Variants in GJD4 observed in about 807,000 individuals in gnomAD.
GJD4 encodes gap junction delta-4 protein.
Under a neutral mutation model 17.9 loss-of-function variants are expected in GJD4, and 18 were observed. The observed-to-expected ratio is 1.00, with a 90% confidence interval of 0.69 to 1.49. GJD4 has a LOEUF of 1.49. Among genes scored for constraint, GJD4 ranks in the 40% most tolerant of loss-of-function variants. GJD4 has a pLI of 0.00. For synonymous variants in GJD4, 293 were observed against 236.8 expected (o/e 1.24, Z -2.18); for missense variants, 639 against 506.9 (o/e 1.26, Z -2.50).
Position 35,608,257 on chromosome 10 carries a change from A to T in GJD4, c.744A>T (p.Gly248=). 1 of 1,572,862 alleles carries T rather than the reference A, an allele frequency of 6.4e-7. No individual in the cohort carries two copies. The highest frequency in any genetic ancestry group is 8.6e-7 in the Non-Finnish European group (1 of 1,165,106). Residue 248 remains glycine, a synonymous_variant, in exon 2 of 2, where the codon GGA becomes GGT. Coordinates refer to ENST00000321660, the MANE Select transcript of GJD4 (RefSeq NM_153368.3). The part of the protein sequence containing the change: ...KQSGASGHAE[G]RRTDEEGGRE... Reference sequence around the variant, plus strand: ...GCGGAGCCTCAGGCCACGCGGAGGGACGCCGGACTGACGAGGAGGGTGGGC... The same window carrying T: ...GCGGAGCCTCAGGCCACGCGGAGGGTCGCCGGACTGACGAGGAGGGTGGGC...
chr10:35,608,935 CAAAA>C (rs3067572), downstream of GJD4: 21 of 56,210 alleles, frequency 3.7e-4, no homozygotes, highest in East Asian at 1.5e-3. Flanking sequence ...GAGACCCTGT[CAAAA>C]AAAAAAAAAA....
Position 35,607,863 on chromosome 10 carries a change from C to T in GJD4, c.350C>T (p.Pro117Leu). Residue 117 changes from proline to leucine, a missense_variant, in exon 2 of 2, where the codon CCG (proline) becomes CTG (leucine). Coordinates refer to ENST00000321660, the MANE Select transcript of GJD4 (RefSeq NM_153368.3). ...GPRRCPDPRE[P>L]ASGQRRCPRP... Reference sequence around the variant, plus strand: ...CGCCGCTGCCCCGACCCCCGGGAGCCGGCCTCCGGGCAGAGACGCTGCCCG... The same window carrying T: ...CGCCGCTGCCCCGACCCCCGGGAGCTGGCCTCCGGGCAGAGACGCTGCCCG... 1 of 1,598,196 alleles carries T rather than the reference C, an allele frequency of 6.3e-7. No individual in the cohort carries two copies. Among genetic ancestry groups the T allele is most frequent in the Non-Finnish European group, 8.5e-7 (1 of 1,177,342 alleles).
chr10:35,607,802 C>T lies in GJD4; in HGVS notation c.289C>T (p.Leu97=). Reference sequence around the variant, plus strand: ...CTCCGCCGTCTTCAGCGTCTATGTCCTGCACCGAGGAGCCACGCTCGCCGC... The same window carrying T: ...CTCCGCCGTCTTCAGCGTCTATGTCTTGCACCGAGGAGCCACGCTCGCCGC... ...LPSAVFSVYV[L]HRGATLAALG... is the part of the protein sequence containing the mutation. The change falls in exon 2 of 2, where the codon CTG becomes TTG. Residue 97 remains leucine, a synonymous_variant. Coordinates refer to ENST00000321660, the MANE Select transcript of GJD4 (RefSeq NM_153368.3). 1 of 1,603,914 alleles carries T rather than the reference C, an allele frequency of 6.2e-7. No homozygotes were observed. Among genetic ancestry groups the T allele is most frequent in the Non-Finnish European group, 8.5e-7 (1 of 1,179,950 alleles).
At position 35,607,725 on chromosome 10, in the gene GJD4, C is replaced by T; in HGVS notation, c.212C>T (p.Pro71Leu). 6.2e-7 allele frequency: 1 copy of T among 1,613,858 alleles called. No homozygotes were observed. Residue 71 changes from proline to leucine, a missense_variant, in exon 2 of 2, where the codon CCC becomes CTC. Transcript: ENST00000321660. ...AATGTTTGCTACGACGTCTTCTCCCCCGTGTCTCACCTGCGGTTCTGGCTG... is the reference window on the plus strand; with the variant it reads ...AATGTTTGCTACGACGTCTTCTCCCTCGTGTCTCACCTGCGGTTCTGGCTG... ...CANVCYDVFS[P>L]VSHLRFWLIQ...
intron 1 of GJD4, chr10:35,607,116 ACTTT>A (rs1183595107): frequency 6.5e-6 from 1 of 154,044 alleles, no homozygotes; most frequent in African/African-American, 2.4e-5. Flanking sequence ...GCTCAGCCAA[ACTTT>A]CTTTCTGGAC....
At position 35,607,900 on chromosome 10, in the gene GJD4, G is replaced by A. The variant is rs1186584996; in HGVS notation, c.387G>A (p.Gly129=). 5 of 1,594,882 alleles carry A rather than the reference G, an allele frequency of 3.1e-6. No individual in the cohort carries two copies. The highest frequency in any genetic ancestry group is 4.3e-6 in the Non-Finnish European group (5 of 1,175,454). ...AGAGACGCTGCCCGCGGCCATTCGG[G>A]GAGCGCGGCGGCCTCCAGGTGCCCG... ...SGQRRCPRPF[G]ERGGLQVPDF... Residue 129 remains glycine (G), a synonymous_variant, in exon 2 of 2, where the codon GGG becomes GGA. Transcript: ENST00000321660.
At chr10:35,607,510 A>G in intron 1 of GJD4, 68 bp from the exon 2 acceptor site, 9 of 1,005,716 alleles carry the variant, frequency 8.9e-6, no homozygotes, top group Non-Finnish European at 1.4e-5. Context: ...CCCAATAGAC[A>G]CTTTAAAGCT....
Position 35,607,687 on chromosome 10 carries a change from G to C in GJD4, c.174G>C (p.Gln58His), listed in dbSNP as rs1227355606. The part of the protein sequence containing the change: ...EQERFVCNTL[Q>H]PGCANVCYDV... ...AGAGGTTTGTCTGCAACACGCTGCA[G>C]CCGGGATGCGCCAATGTTTGCTACG... Residue 58 changes from glutamine to histidine, a missense_variant, in exon 2 of 2, where the codon CAG becomes CAC. By Grantham distance (24) the Gln-to-His change is conservative (BLOSUM62 0). Transcript: ENST00000321660. 60 of 1,614,050 alleles carry C rather than the reference G, an allele frequency of 3.7e-5. No homozygotes were observed. The Admixed American group carries it at 1.0e-3, about 27-fold the overall frequency.
In GJD4 at chr10:35,608,250, C is replaced by A. The variant is rs773485636; in HGVS notation, c.737C>A (p.Ala246Glu). The change falls in exon 2 of 2, where the codon GCG (alanine) becomes GAG (glutamate). Residue 246 changes from alanine to glutamate, a missense_variant. Ala to Glu is a moderately radical substitution (Grantham distance 107, BLOSUM62 -1). Coordinates refer to ENST00000321660, the MANE Select transcript of GJD4 (RefSeq NM_153368.3). ...IRKQSGASGH[A>E]EGRRTDEEGG... is the part of the protein sequence containing the mutation. ...AAGCAGAGCGGAGCCTCAGGCCACG[C>A]GGAGGGACGCCGGACTGACGAGGAG... The A allele has an allele frequency of 1.1e-5, 18 of 1,569,422 alleles. No individual in the cohort carries two copies. The highest frequency in any genetic ancestry group is 2.3e-5 in the East Asian group (1 of 42,910).
Position 35,607,937 on chromosome 10 carries a change from G to T in GJD4, c.424G>T (p.Gly142Cys), listed in dbSNP as rs760289637. The T allele has an allele frequency of 1.2e-6, 2 of 1,607,774 alleles. No homozygotes were observed. The highest frequency in any genetic ancestry group is 2.2e-5 in the South Asian group (2 of 90,814). ...CCTCCAGGTGCCCGACTTTTCGGCC[G>T]GCTACATCATCCACCTCCTCCTCCG... ...GGLQVPDFSA[G>C]YIIHLLLRTL... Residue 142 changes from glycine to cysteine, a missense_variant, in exon 2 of 2, where the codon GGC (glycine) becomes TGC (cysteine). Physicochemically the swap from Gly to Cys is radical, Grantham distance 159 (BLOSUM62 -3). Transcript: ENST00000321660.
Position 35,608,160 on chromosome 10 carries a change from TG to T in GJD4, c.649del (p.Val217SerfsTer82). 1 of 1,605,046 alleles carries T rather than the reference TG, an allele frequency of 6.2e-7. No individual in the cohort carries two copies. The highest frequency in any genetic ancestry group is 1.1e-5 in the South Asian group (1 of 90,188). On this transcript the variant is annotated frameshift_variant, in exon 2 of 2. Transcript: ENST00000321660. LOFTEE classifies it high-confidence loss of function. ...TCTTTTCTGCTGGGCCTCGCCGACC[TG>T]GTCTGCAGCCTGCGGCGGCGGATGC... ...ALSFLLGLAD[L>X]VCSLRRRMRR...
At chr10:35,607,346 G>A (rs1243950000) in intron 1 of GJD4, 2 of 557,476 alleles carry the variant, frequency 3.6e-6, no homozygotes, top group Admixed American at 6.4e-5. Context: ...AGCTACTCAA[G>A]AGGCCAAGGC....
chr10:35,605,849 G>T (rs1261901673), intron 1 of GJD4: 2 of 572,360 alleles, frequency 3.5e-6, no homozygotes, highest in African/African-American at 1.9e-5. Flanking sequence ...CCTCCGTCAT[G>T]TAAGGGAGTC....
rs1046737503 is a variant in GJD4 at position 35,605,643 on chromosome 10, G to C, written c.64+12G>C. ...CGTGACCATGGTGGGTGAGTATTGG[G>C]ACCATCTCCAAACTCCTGCGCTGTT... On this transcript the variant is annotated intron_variant, in intron 1 of 1. Coordinates refer to ENST00000321660, the MANE Select transcript of GJD4 (RefSeq NM_153368.3). 3 of 1,603,804 alleles carry C rather than the reference G, an allele frequency of 1.9e-6. No individual in the cohort carries two copies. In the African/African-American group the frequency reaches 4.0e-5, roughly 21 times the overall value.
chr10:35,607,478 G>T (rs1412192547), intron 1 of GJD4, 100 bp from the exon 2 acceptor site: 1 of 756,762 alleles, frequency 1.3e-6, no homozygotes, highest in Non-Finnish European at 2.2e-6. Flanking sequence ...GCTTATTGAC[G>T]TTTCAATTTC....
At position 35,607,801 on chromosome 10, in the gene GJD4, C is replaced by A. The variant is rs999718240; in HGVS notation, c.288C>A (p.Val96=). Residue 96 remains valine (V), a synonymous_variant, in exon 2 of 2, where the codon GTC becomes GTA. Transcript: ENST00000321660. ...CCTCCGCCGTCTTCAGCGTCTATGT[C>A]CTGCACCGAGGAGCCACGCTCGCCG... is the stretch of plus-strand genomic sequence containing the variant. ...LLPSAVFSVY[V]LHRGATLAAL... is the part of the protein sequence containing the mutation. 6 of 1,604,070 alleles carry A rather than the reference C, an allele frequency of 3.7e-6. No individual in the cohort carries two copies. The highest frequency in any genetic ancestry group is 5.1e-6 in the Non-Finnish European group (6 of 1,179,952).
Position 35,608,751 on chromosome 10 carries a change from A to G in GJD4, c.*125A>G, listed in dbSNP as rs925246535. 10 of 647,438 alleles carry G rather than the reference A, an allele frequency of 1.5e-5. No individual in the cohort carries two copies. Among genetic ancestry groups the G allele is most frequent in the Non-Finnish European group, 2.3e-5 (9 of 390,764 alleles). The allele number at this position is 647,438 out of a possible 1,614,324, so 40.1% of individuals were successfully genotyped here. ...CAAGAGTTTGAGACCAGCCTGGACA[A>G]CATAATGAGACCCTCGTCTCTACAA... On this transcript the variant is annotated 3_prime_UTR_variant, in exon 2 of 2. Coordinates refer to ENST00000321660, the MANE Select transcript of GJD4 (RefSeq NM_153368.3).
At position 35,607,872 on chromosome 10, in the gene GJD4, G is replaced by A. The variant is rs1835478680; in HGVS notation, c.359G>A (p.Gly120Glu). 1.3e-6 allele frequency: 2 copies of A among 1,596,210 alleles called. No individual in the cohort carries two copies. The highest frequency in any genetic ancestry group is 2.7e-5 in the African/African-American group (2 of 74,400). The change falls in exon 2 of 2, where the codon GGG becomes GAG. Residue 120 changes from glycine to glutamate, a missense_variant. Physicochemically the swap from Gly to Glu is moderately conservative, Grantham distance 98 (BLOSUM62 -2). Coordinates refer to ENST00000321660, the MANE Select transcript of GJD4 (RefSeq NM_153368.3). ...RCPDPREPAS[G>E]QRRCPRPFGE... ...CCCGACCCCCGGGAGCCGGCCTCCG[G>A]GCAGAGACGCTGCCCGCGGCCATTC...
At position 35,605,385 on chromosome 10, in the gene GJD4, C is replaced by T; in HGVS notation, c.-183C>T. On this transcript the variant is annotated 5_prime_UTR_variant, in exon 1 of 2. Coordinates refer to ENST00000321660, the MANE Select transcript of GJD4 (RefSeq NM_153368.3). ...AATGTTTCGCCTCAGAGGCAAACGGCTTAGGGCCGTCTCAACTTGGAGACA... is the reference window on the plus strand; with the variant it reads ...AATGTTTCGCCTCAGAGGCAAACGGTTTAGGGCCGTCTCAACTTGGAGACA... The T allele has an allele frequency of 3.1e-6, 2 of 647,052 alleles. No individual in the cohort carries two copies. Among genetic ancestry groups the T allele is most frequent in the East Asian group, 5.5e-5 (2 of 36,580 alleles). 40.1% of individuals were successfully genotyped at this position (647,052 alleles called of 1,614,324 possible). A position where few individuals can be genotyped will look rare whatever the true frequency, so the allele number is the denominator to read the frequency against.
Sources: gnomAD v4.1 joint callset for allele counts on GRCh38, gnomAD v4.1.1 for gene constraint, MANE v1.5 for transcripts, NCBI Gene and HGNC (gene_info 2026-07-23, HGNC 2026-07-21) for gene names.